Variants in FAM118B observed in about 807,000 individuals in gnomAD.
The protein encoded by FAM118B is protein FAM118B.
A neutral mutation model predicts 38.5 loss-of-function variants in FAM118B; 24 were observed. That is an observed-to-expected ratio of 0.62 (90% CI 0.45 to 0.88). The LOEUF (loss-of-function observed/expected upper bound fraction) is 0.88, where lower values mean the gene tolerates loss of function less well. Ranked by LOEUF, FAM118B falls within the 40% of genes least tolerant of loss-of-function variation. The pLI, the probability that FAM118B is intolerant of heterozygous loss-of-function variation, is 0.00. For missense variants in FAM118B, 334 were observed against 420.0 expected, an observed-to-expected ratio of 0.80 and a Z score of 1.79; for synonymous variants, 138 against 156.3, an observed-to-expected ratio of 0.88 and a Z score of 0.87.
rs1259260959 is a variant in FAM118B, at chr11:126,222,890, T to C, written c.-76-6335T>C. ...ACTGTACTCGCCCTAGAAGGGCTTTTATTCTTGTGGGAGAGGCCAATAATT... is the reference window on the plus strand; with the variant it reads ...ACTGTACTCGCCCTAGAAGGGCTTTCATTCTTGTGGGAGAGGCCAATAATT... On this transcript the variant is annotated intron_variant, in intron 1 of 8. Transcript: ENST00000533050. 2.6e-5 allele frequency among the ~76,000 whole-genome samples: 4 copies of C among 152,364 alleles called. No individual in the cohort carries two copies. The East Asian group carries it at 5.8e-4, about 22-fold the overall frequency.
chr11:126,260,053 A>G (rs987221255), intron 7 of FAM118B, among the ~76,000 whole-genome samples: 3 of 151,720 alleles, frequency 2.0e-5, no homozygotes, highest in Non-Finnish European at 4.4e-5. Flanking sequence ...TATTTTTGAT[A>G]CAGGGTCTTG....
In FAM118B at chr11:126,262,288, G is replaced by A. The variant is rs1213138565; in HGVS notation, c.*155G>A. 1.3e-6 allele frequency: 1 copy of A among 743,060 alleles called. No homozygotes were observed. The allele number at this position is 743,060 out of a possible 1,614,324, so 46.0% of individuals were successfully genotyped here. On this transcript the variant is annotated 3_prime_UTR_variant, in exon 9 of 9. Coordinates refer to ENST00000533050, the MANE Select transcript of FAM118B (RefSeq NM_024556.4). The stretch of plus-strand genomic sequence containing the variant: ...GGGTAGAAGAGGGGGGAATGTTGCA[G>A]CGTAATCCTTCATACCACCTGGTTC...
intron 1 of FAM118B, among the ~76,000 whole-genome samples, chr11:126,213,750 A>T (rs1422809208): frequency 6.6e-6 from 1 of 152,208 alleles, no homozygotes; most frequent in East Asian, 1.9e-4. Context: ...GTGGCGGGAA[A>T]CAAAATGAAG....
intron 3 of FAM118B, among the ~76,000 whole-genome samples, chr11:126,237,806 G>A (rs1386926500): frequency 3.6e-5 from 5 of 137,360 alleles, no homozygotes; most frequent in Non-Finnish European, 7.8e-5. Flanking sequence ...GCAGTGAGCT[G>A]AGATTGTGTC....
intron 4 of FAM118B, 72 bp downstream of exon 4, chr11:126,241,116 G>C: frequency 1.4e-6 from 2 of 1,465,168 alleles, no homozygotes; most frequent in South Asian, 2.8e-5. Flanking sequence ...GCATGATTTG[G>C]CTGTCAAAAC....
intron 1 of FAM118B, among the ~76,000 whole-genome samples, chr11:126,217,266 C>G (rs528176324): frequency 6.6e-6 from 1 of 152,224 alleles, no homozygotes; most frequent in South Asian, 2.1e-4. Context: ...GTTATTCTTT[C>G]TTGGTTTTCC....
chr11:126,249,747 A>G (rs1394785491), intron 4 of FAM118B, among the ~76,000 whole-genome samples: 3 of 150,256 alleles, frequency 2.0e-5, no homozygotes, highest in African/African-American at 4.9e-5. Context: ...AAAAAAAAAA[A>G]AAAAAAAGAA....
In FAM118B at chr11:126,256,901, A is replaced by G; in HGVS notation, c.982+49A>G. ...GGGAATCAGAGAACAACAGCTCTTC[A>G]GCCTTTTGTGTATTTGTGATGTGAT... On this transcript the variant is annotated intron_variant, in intron 7 of 8. Transcript: ENST00000533050. The surrounding 1 kb of genome is among the most constrained non-coding windows in gnomAD (Gnocchi z 6.6). 1 of 1,543,576 alleles carries G rather than the reference A, an allele frequency of 6.5e-7. No individual in the cohort carries two copies. Among genetic ancestry groups the G allele is most frequent in the Non-Finnish European group, 8.8e-7 (1 of 1,137,772 alleles).
At position 126,262,839 on chromosome 11, in the gene FAM118B, T is replaced by C. The variant is rs1950729810; in HGVS notation, c.*706T>C. On this transcript the variant is annotated 3_prime_UTR_variant, in exon 9 of 9. Transcript: ENST00000533050. ...CGGAGCATTATCAACTTCTGCTCTGTTGTCCTGACCATACATATGTCCTAG... is the reference window on the plus strand; with the variant it reads ...CGGAGCATTATCAACTTCTGCTCTGCTGTCCTGACCATACATATGTCCTAG... 1 of 152,650 alleles carries C rather than the reference T, an allele frequency of 6.6e-6. No individual in the cohort carries two copies. The highest frequency in any genetic ancestry group is 1.5e-5 in the Non-Finnish European group (1 of 68,054). 9.5% of individuals were successfully genotyped at this position (152,650 alleles called of 1,614,324 possible). A position where few individuals can be genotyped will look rare whatever the true frequency, so the allele number is the denominator to read the frequency against.
Position 126,255,811 on chromosome 11 carries a change from G to T in FAM118B, c.697-756G>T, listed in dbSNP as rs971004694. ...CTACTAAAAATAGGAAAATTAGCTG[G>T]GCGTGCTGGCAGGTGCCTGTAATGC... On this transcript the variant is annotated intron_variant, in intron 6 of 8. Coordinates refer to ENST00000533050, the MANE Select transcript of FAM118B (RefSeq NM_024556.4). This position sits in a 1 kb window ranked among gnomAD's most constrained non-coding sequence, Gnocchi z 4.6. 1.3e-5 allele frequency among the ~76,000 whole-genome samples: 2 copies of T among 151,756 alleles called. No homozygotes were observed. Among genetic ancestry groups the T allele is most frequent in the African/African-American group, 4.8e-5 (2 of 41,268 alleles).
chr11:126,227,358 A>C (rs1413388883), intron 1 of FAM118B, among the ~76,000 whole-genome samples: 1 of 152,104 alleles, frequency 6.6e-6, no homozygotes, highest in Non-Finnish European at 1.5e-5. Flanking sequence ...CACCGTGCCC[A>C]GCCACAAGCT....
chr11:126,218,530 G>GT (rs76501668), intron 1 of FAM118B, among the ~76,000 whole-genome samples: 8,144 of 151,482 alleles, frequency 0.054, 359 homozygotes, highest in East Asian at 0.18. Flanking sequence ...GGGATTTTGG[G>GT]TTTTTTTTTG....
intron 8 of FAM118B, among the ~76,000 whole-genome samples, 189 bp downstream of exon 8, chr11:126,261,673 G>C (rs1037092779): frequency 1.3e-5 from 2 of 152,168 alleles, no homozygotes; most frequent in Admixed American, 1.3e-4. Flanking sequence ...TTACAATCTA[G>C]TGCAGTGATC....
intron 1 of FAM118B, chr11:126,214,503 G>GTTTTTGTTTT (rs1555048584): frequency 3.5e-5 from 1 of 28,258 alleles, no homozygotes; most frequent in African/African-American, 9.1e-5. Flanking sequence ...TTTTTTTTTT[G>GTTTTTGTTTT]TTTTTTTTTT....
At chr11:126,214,498 T>TTTTTTTTC (rs1565322345) in intron 1 of FAM118B, 1 of 79,394 alleles carries the variant, frequency 1.3e-5, no homozygotes, top group Non-Finnish European at 2.5e-5. Flanking sequence ...CTGTTTTTTT[T>TTTTTTTTC]TTTTGTTTTT....
At chr11:126,218,186 G>C (rs550608909) in intron 1 of FAM118B, among the ~76,000 whole-genome samples, 1 of 152,152 alleles carries the variant, frequency 6.6e-6, no homozygotes, top group South Asian at 2.1e-4. Flanking sequence ...TGTGGATATG[G>C]TGGGCTCAGA....
At chr11:126,260,832 T>C (rs944598935) in intron 7 of FAM118B, 4 of 152,354 alleles carry the variant, frequency 2.6e-5, no homozygotes, top group African/African-American at 9.6e-5. Context: ...TGCCAAGTGT[T>C]ATCCAGTAGA....
chr11:126,214,771 A>G (rs960308401), intron 1 of FAM118B, among the ~76,000 whole-genome samples: 1 of 152,192 alleles, frequency 6.6e-6, no homozygotes, highest in African/African-American at 2.4e-5. Flanking sequence ...TAAAGTAACC[A>G]TATAAAGAAG....
rs574797904 is a variant in FAM118B, at chr11:126,256,260, C to T, written c.697-307C>T. ...TAGCCCAGGTGAAAGAGTGAGACTC[C>T]GTCTCAAAAAATATATAAAGCATAA... On this transcript the variant is annotated intron_variant, in intron 6 of 8. Transcript: ENST00000533050. The surrounding 1 kb of genome is among the most constrained non-coding windows in gnomAD (Gnocchi z 6.6). Among the ~76,000 whole-genome samples the T allele has an allele frequency of 5.9e-5, 9 of 152,202 alleles. No homozygotes were observed. Among genetic ancestry groups the T allele is most frequent in the Admixed American group, 3.3e-4 (5 of 15,272 alleles).
Sources: gnomAD v4.1 joint callset for allele counts (sites outside exome capture counted in the v4.1 genomes callset) on GRCh38, gnomAD v4.1.1 for gene constraint, Gnocchi (gnomAD v3.1) non-coding constraint, MANE v1.5 for transcripts, NCBI Gene and HGNC (gene_info 2026-07-23, HGNC 2026-07-21) for gene names.